The following BMPR1B variants were observed in gnomAD, a reference collection of about 807,000 sequenced individuals.
BMPR1B encodes bone morphogenetic protein receptor type-1B.
Under a neutral mutation model 59.1 loss-of-function variants are expected in BMPR1B, and 12 were observed. The observed-to-expected ratio is 0.20, with a 90% CI of 0.13 to 0.33. BMPR1B has a LOEUF of 0.33. BMPR1B is among the 10% of genes least tolerant of loss of function. The pLI is 1.00. For missense variants in BMPR1B, 550 were observed against 610.9 expected, an observed-to-expected ratio of 0.90 and a Z score of 1.05; for synonymous variants, 237 against 207.3, an observed-to-expected ratio of 1.14 and a Z score of -1.23.
chr4:95,091,251 T>G (rs1171782697), intron 3 of BMPR1B, among the ~76,000 whole-genome samples: 6 of 151,984 alleles, frequency 3.9e-5, no homozygotes, highest in Admixed American at 3.9e-4. Flanking sequence ...CCTTTTTCTT[T>G]TCTTTCTTTT....
intron 1 of BMPR1B, among the ~76,000 whole-genome samples, chr4:94,765,247 A>G (rs1256255169): frequency 2.0e-5 from 3 of 152,190 alleles, no homozygotes; most frequent in African/African-American, 4.8e-5. Flanking sequence ...GTGTGTGTGT[A>G]TCCCTTAAGA....
At chr4:94,796,537 AT>A (rs374479312) in intron 1 of BMPR1B, among the ~76,000 whole-genome samples, 2,643 of 148,300 alleles carry the variant, frequency 0.018, 33 homozygotes, top group African/African-American at 0.039. Context: ...GAGGTTCTTA[AT>A]TTTTTTTTTT....
chr4:94,791,747 A>G (rs972230291), intron 1 of BMPR1B, among the ~76,000 whole-genome samples: 1 of 152,154 alleles, frequency 6.6e-6, no homozygotes, highest in Non-Finnish European at 1.5e-5. Context: ...GACCAGAAAG[A>G]AATCTCTTGT....
chr4:95,150,427 G>A, intron 11 of BMPR1B, among the ~76,000 whole-genome samples: 1 of 145,636 alleles, frequency 6.9e-6, no homozygotes, highest in Non-Finnish European at 1.5e-5. Context: ...CTGGGCAATA[G>A]ATTGGGACCC....
At chr4:95,015,942 T>G (rs1467018397) in intron 3 of BMPR1B, among the ~76,000 whole-genome samples, 5 of 152,148 alleles carry the variant, frequency 3.3e-5, no homozygotes, top group Non-Finnish European at 7.4e-5. Context: ...CCGCCCGCCT[T>G]GGCTTCCCAA....
chr4:94,916,511 G>A (rs1053668043), intron 2 of BMPR1B, among the ~76,000 whole-genome samples: 7 of 152,194 alleles, frequency 4.6e-5, no homozygotes, highest in African/African-American at 1.7e-4. Flanking sequence ...GAACTTAGGA[G>A]TGATGACCTA....
chr4:95,006,267 G>A (rs1196647006), intron 3 of BMPR1B, among the ~76,000 whole-genome samples: 2 of 151,530 alleles, frequency 1.3e-5, no homozygotes, highest in South Asian at 2.1e-4. Flanking sequence ...AGGTAGGGCC[G>A]GGCGCGATGG....
chr4:95,076,524 CTG>C (rs1412440925), intron 3 of BMPR1B, among the ~76,000 whole-genome samples: 1 of 152,050 alleles, frequency 6.6e-6, no homozygotes, highest in Non-Finnish European at 1.5e-5. Context: ...ATGAGGCAAA[CTG>C]TTCTAGGTAC....
intron 10 of BMPR1B, among the ~76,000 whole-genome samples, chr4:95,135,008 A>T (rs957756530): frequency 6.6e-6 from 1 of 152,144 alleles, no homozygotes; most frequent in African/African-American, 2.4e-5. Context: ...TCACATTTAA[A>T]TCTTTAATCC....
intron 3 of BMPR1B, among the ~76,000 whole-genome samples, chr4:95,091,203 A>G (rs965607661): frequency 6.6e-6 from 1 of 152,096 alleles, no homozygotes; most frequent in Non-Finnish European, 1.5e-5. Flanking sequence ...AATGTTACAT[A>G]ACACACTGTG....
chr4:95,095,840 CATA>C, intron 3 of BMPR1B, among the ~76,000 whole-genome samples: 1 of 151,976 alleles, frequency 6.6e-6, no homozygotes, highest in East Asian at 1.9e-4. Context: ...TTGACTATGA[CATA>C]AAACAGTCCT....
At chr4:94,968,529 C>T (rs1052795167) in intron 2 of BMPR1B, among the ~76,000 whole-genome samples, 1 of 152,146 alleles carries the variant, frequency 6.6e-6, no homozygotes, top group African/African-American at 2.4e-5. Flanking sequence ...TTGTTAACCA[C>T]TTAAATGTGT....
intron 3 of BMPR1B, among the ~76,000 whole-genome samples, chr4:95,072,297 A>G (rs1043123402): frequency 6.6e-6 from 1 of 152,182 alleles, no homozygotes; most frequent in South Asian, 2.1e-4. Context: ...TCATCCAAAG[A>G]CACCCTCACT....
chr4:94,787,125 C>T (rs1294962982), intron 1 of BMPR1B, among the ~76,000 whole-genome samples: 2 of 152,158 alleles, frequency 1.3e-5, no homozygotes, highest in Non-Finnish European at 2.9e-5. Context: ...CCAGTTGCCG[C>T]CTAGTCTGAT....
intron 2 of BMPR1B, among the ~76,000 whole-genome samples, chr4:94,991,984 A>G (rs1365622023): frequency 2.6e-5 from 4 of 152,194 alleles, no homozygotes; most frequent in Non-Finnish European, 5.9e-5. Flanking sequence ...AACATACTTC[A>G]GTACAACACA....
At chr4:94,992,380 C>T (rs553321862) in intron 2 of BMPR1B, among the ~76,000 whole-genome samples, 2 of 152,222 alleles carry the variant, frequency 1.3e-5, no homozygotes, top group Admixed American at 1.3e-4. Flanking sequence ...GCCTATACAT[C>T]TTCAGTGACT....
intron 3 of BMPR1B, among the ~76,000 whole-genome samples, chr4:95,046,853 T>C (rs1726096648): frequency 1.3e-5 from 2 of 152,238 alleles, no homozygotes; most frequent in African/African-American, 2.4e-5. Context: ...TAAACCATTG[T>C]TATTCTCCTT....
chr4:94,943,122 G>A (rs1400297544), intron 2 of BMPR1B, among the ~76,000 whole-genome samples: 1 of 151,918 alleles, frequency 6.6e-6, no homozygotes, highest in Non-Finnish European at 1.5e-5. Context: ...AAATCAGTCG[G>A]CCTGGATACA....
At chr4:94,824,181 T>C (rs1354696820) in intron 1 of BMPR1B, among the ~76,000 whole-genome samples, 2 of 152,256 alleles carry the variant, frequency 1.3e-5, no homozygotes, top group Non-Finnish European at 2.9e-5. Context: ...GTCTGAGTTT[T>C]GATGCACGAA....
Sources: allele counts gnomAD v4.1 joint callset (sites outside exome capture counted in the v4.1 genomes callset), GRCh38; gene constraint gnomAD v4.1.1; transcripts MANE v1.5; gene names NCBI Gene and HGNC (gene_info 2026-07-23, HGNC 2026-07-21).